Variants in BIK observed in about 807,000 individuals in gnomAD.
The protein encoded by BIK is BCL2 interacting killer, also known as bcl-2-interacting killer.
A neutral mutation model predicts 12.1 loss-of-function variants in BIK; 14 were observed. The ratio of observed to expected loss-of-function variants is 1.16; its 90% CI spans 0.77 to 1.81. The LOEUF is 1.81. BIK is among the 40% of genes most tolerant of loss of function. The probability of loss-of-function intolerance (pLI) is 0.00; values close to 1 mark genes in which losing one functional copy is unlikely to be tolerated. For synonymous variants in BIK, 86 were observed against 92.3 expected (o/e 0.93, Z 0.39); for missense variants, 215 against 207.9 (o/e 1.03, Z -0.21).
intron 3 of BIK, 95 bp downstream of exon 3, chr22:43,127,890 A>C: frequency 8.2e-7 from 1 of 1,216,608 alleles, no homozygotes; most frequent in Non-Finnish European, 1.1e-6. Flanking sequence ...GCCCTGAGGA[A>C]GCTCTGTGGG....
intron 4 of BIK, 95 bp downstream of exon 4, chr22:43,128,720 T>G: frequency 6.8e-7 from 1 of 1,467,874 alleles, no homozygotes; most frequent in Non-Finnish European, 9.2e-7. Context: ...CACCACTCCG[T>G]ATCATCATCT....
chr22:43,123,385 T>G (rs1326882050), intron 1 of BIK, among the ~76,000 whole-genome samples: 2 of 152,112 alleles, frequency 1.3e-5, no homozygotes, highest in Non-Finnish European at 2.9e-5. Context: ...TTTTCTGCTT[T>G]GACAGGTTCT....
intron 2 of BIK, among the ~76,000 whole-genome samples, chr22:43,125,997 C>A (rs552697949): frequency 2.3e-3 from 345 of 151,892 alleles, no homozygotes; most frequent in Non-Finnish European, 3.5e-3. Context: ...TCCAGGCACA[C>A]CCGGCCATCC....
At chr22:43,112,210 T>C (rs1321490794) in intron 1 of BIK, among the ~76,000 whole-genome samples, 1 of 152,214 alleles carries the variant, frequency 6.6e-6, no homozygotes, top group Non-Finnish European at 1.5e-5. Context: ...CTTTTTGTTT[T>C]TTTTTGAAAC....
intron 2 of BIK, among the ~76,000 whole-genome samples, chr22:43,127,003 GT>G (rs1292531047): frequency 6.6e-6 from 1 of 152,166 alleles, no homozygotes; most frequent in African/African-American, 2.4e-5. Context: ...TTCCCTGGGA[GT>G]TCCCCCGGTG....
chr22:43,117,610 T>G (rs1489323250), intron 1 of BIK, among the ~76,000 whole-genome samples: 1 of 152,008 alleles, frequency 6.6e-6, no homozygotes, highest in Non-Finnish European at 1.5e-5. Flanking sequence ...GACCTTGTGA[T>G]CTGCACGCCT....
Position 43,112,553 on chromosome 22 carries a change from G to A in BIK, c.-8+1750G>A, listed in dbSNP as rs142958606. ...CCCAAGGTGCTGGGATTACAGACGT[G>A]AGCCCCTATGCCTGGCCCTTTTTTT... On this transcript the variant is annotated intron_variant, in intron 1 of 4. Transcript: ENST00000216115. 6.5e-3 allele frequency among the ~76,000 whole-genome samples: 982 copies of A among 151,244 alleles called. 6 individuals are homozygous for A. Among genetic ancestry groups the A allele is most frequent in the Non-Finnish European group, 0.012 (796 of 67,848 alleles).
At position 43,111,282 on chromosome 22, in the gene BIK, G is replaced by A. The variant is rs994994172; in HGVS notation, c.-8+479G>A. On this transcript the variant is annotated intron_variant, in intron 1 of 4. Transcript: ENST00000216115. Reference sequence around the variant, plus strand: ...CGTCGTGCCCGGTGCCGCCGGGACCGGCTCCCGGAGGCGCTGCGCACCTGA... The same window carrying A: ...CGTCGTGCCCGGTGCCGCCGGGACCAGCTCCCGGAGGCGCTGCGCACCTGA... 2.6e-5 allele frequency among the ~76,000 whole-genome samples: 4 copies of A among 152,148 alleles called. No homozygotes were observed. The South Asian group carries it at 6.2e-4, about 24-fold the overall frequency.
intron 2 of BIK, among the ~76,000 whole-genome samples, chr22:43,125,434 C>T (rs534326392): frequency 2.0e-5 from 3 of 151,802 alleles, no homozygotes; most frequent in African/African-American, 4.8e-5. Flanking sequence ...GGCCGGGCGC[C>T]GTGGCTCATG....
chr22:43,123,884 G>A lies in BIK; in HGVS notation c.-7-132G>A, dbSNP rs542933506. 479 of 922,286 alleles carry A rather than the reference G, an allele frequency of 5.2e-4. 8 individuals are homozygous for A. The South Asian group carries it at 8.7e-3, about 17-fold the overall frequency. 57.1% of individuals were successfully genotyped at this position (922,286 alleles called of 1,614,324 possible). On this transcript the variant is annotated intron_variant, in intron 1 of 4. Coordinates refer to ENST00000216115, the MANE Select transcript of BIK (RefSeq NM_001197.5). ...TCATGCCTGTGGGAGCTGGGGTTGGGGGATATTGACGGCTTTAGCGGATCA... is the reference window on the plus strand; with the variant it reads ...TCATGCCTGTGGGAGCTGGGGTTGGAGGATATTGACGGCTTTAGCGGATCA...
chr22:43,129,473 T>A lies in BIK; in HGVS notation c.*168T>A. The A allele has an allele frequency of 8.6e-7, 1 of 1,162,976 alleles. No homozygotes were observed. The highest frequency in any genetic ancestry group is 1.2e-6 in the Non-Finnish European group (1 of 862,302). 72.0% of individuals were successfully genotyped at this position (1,162,976 alleles called of 1,614,324 possible). A position where few individuals can be genotyped will look rare whatever the true frequency, so the allele number is the denominator to read the frequency against. On this transcript the variant is annotated 3_prime_UTR_variant, in exon 5 of 5. Transcript: ENST00000216115. ...GAGGTTTTATACTCAGGTTTTTTGT[T>A]TTTTTTTTATTCCAGTTTTCGTTTT...
At chr22:43,123,770 C>A (rs570733500) in intron 1 of BIK, among the ~76,000 whole-genome samples, 2 of 152,186 alleles carry the variant, frequency 1.3e-5, no homozygotes, top group African/African-American at 4.8e-5. Context: ...AAGAAAGGGC[C>A]CTTATGAATC....
chr22:43,113,921 G>A (rs1451949318), intron 1 of BIK, among the ~76,000 whole-genome samples: 1 of 152,236 alleles, frequency 6.6e-6, no homozygotes, highest in Non-Finnish European at 1.5e-5. Flanking sequence ...GAAGCCAGCA[G>A]TGTGTCTGAA....
chr22:43,124,199 C>T lies in BIK; in HGVS notation c.161+16C>T, dbSNP rs201052989. 5.0e-6 allele frequency: 8 copies of T among 1,612,752 alleles called. No individual in the cohort carries two copies. Among genetic ancestry groups the T allele is most frequent in the Non-Finnish European group, 6.8e-6 (8 of 1,179,314 alleles). On this transcript the variant is annotated intron_variant, in intron 2 of 4. Coordinates refer to ENST00000216115, the MANE Select transcript of BIK (RefSeq NM_001197.5). ...TGGAGGGCAGGTAGGTCCCCATGGC[C>T]TGCCCTACCCCCTGCCTGATAGTGA...
Position 43,124,144 on chromosome 22 carries a change from C to T in BIK, c.122C>T (p.Pro41Leu), listed in dbSNP as rs1361235645. The change falls in exon 2 of 5, where the codon CCT becomes CTT. Residue 41 changes from proline (P) to leucine (L), a missense_variant. Pro to Leu is a moderately conservative substitution (Grantham distance 98). Transcript: ENST00000216115. Reference sequence around the variant, plus strand: ...ACTGACTCTGAAGAGGACCTGGACCCTATGGAGGACTTCGATTCTTTGGAA... The same window carrying T: ...ACTGACTCTGAAGAGGACCTGGACCTTATGGAGGACTTCGATTCTTTGGAA... ...GMTDSEEDLD[P>L]MEDFDSLECM... 2 of 1,614,036 alleles carry T rather than the reference C, an allele frequency of 1.2e-6. No individual in the cohort carries two copies. The highest frequency in any genetic ancestry group is 4.5e-5 in the East Asian group (2 of 44,900).
At chr22:43,119,451 T>C (rs1051887229) in intron 1 of BIK, among the ~76,000 whole-genome samples, 42 of 152,274 alleles carry the variant, frequency 2.8e-4, no homozygotes, top group African/African-American at 9.4e-4. Flanking sequence ...CAGAAACTGA[T>C]AAGAGCAGCA....
intron 2 of BIK, among the ~76,000 whole-genome samples, chr22:43,126,093 T>C (rs1232706716): frequency 1.3e-5 from 2 of 151,374 alleles, no homozygotes; most frequent in Admixed American, 6.6e-5. Context: ...GGCATGATCT[T>C]GGCTCACTGC....
At chr22:43,118,652 G>A (rs951962963) in intron 1 of BIK, among the ~76,000 whole-genome samples, 1 of 152,146 alleles carries the variant, frequency 6.6e-6, no homozygotes, top group African/African-American at 2.4e-5. Flanking sequence ...TTTTCTAGCT[G>A]GGCCCACTCA....
intron 2 of BIK, among the ~76,000 whole-genome samples, chr22:43,126,235 G>A (rs1203555604): frequency 6.6e-6 from 1 of 150,758 alleles, no homozygotes; most frequent in Admixed American, 6.6e-5. Context: ...GCCCAGGCTG[G>A]AGTACAGTGG....
Sources: allele counts gnomAD v4.1 joint callset (sites outside exome capture counted in the v4.1 genomes callset), GRCh38; gene constraint gnomAD v4.1.1; transcripts MANE v1.5; gene names NCBI Gene and HGNC (gene_info 2026-07-23, HGNC 2026-07-21).